Variants in CD38 observed in about 807,000 individuals in gnomAD.
CD38 encodes CD38 molecule.
Under a neutral mutation model 36.3 loss-of-function variants are expected in CD38, and 31 were observed. The observed-to-expected ratio is 0.85, with a 90% CI of 0.64 to 1.15. The LOEUF is 1.15. CD38 is among the 50% of genes most tolerant of loss of function. CD38 has a pLI of 0.00. For synonymous variants in CD38, 131 were observed against 135.2 expected (o/e 0.97, Z 0.22); for missense variants, 380 against 371.9 (o/e 1.02, Z -0.18).
chr4:15,822,366 TAA>T (rs1723756072), intron 2 of CD38, among the ~76,000 whole-genome samples: 1 of 152,026 alleles, frequency 6.6e-6, no homozygotes, highest in African/African-American at 2.4e-5. Flanking sequence ...GAGAAAGAAA[TAA>T]AGTCTTTTCA....
Position 15,816,634 on chromosome 4 carries a change from C to A in CD38, c.357C>A (p.Cys119Ter). ...AGTTGGGAACTCAGACCGTACCTTGCAACAAGGTAATTGGGGGCATGCCAT... is the reference window on the plus strand; with the variant it reads ...AGTTGGGAACTCAGACCGTACCTTGAAACAAGGTAATTGGGGGCATGCCAT... ...LMKLGTQTVP[C>*]NKILLWSRIK... is the part of the protein sequence containing the mutation. The change falls in exon 2 of 8, where the codon TGC becomes TGA. Residue 119 changes from cysteine (C) to a stop codon, truncating the protein, a stop_gained. Transcript: ENST00000226279. LOFTEE classifies it high-confidence loss of function. 1 of 1,613,624 alleles carries A rather than the reference C, an allele frequency of 6.2e-7. No individual in the cohort carries two copies. Among genetic ancestry groups the A allele is most frequent in the Non-Finnish European group, 8.5e-7 (1 of 1,179,706 alleles).
intron 1 of CD38, among the ~76,000 whole-genome samples, chr4:15,790,909 CG>C: frequency 6.7e-6 from 1 of 149,912 alleles, no homozygotes; most frequent in South Asian, 2.1e-4. Context: ...CCGGCCGCCC[CG>C]TCTGAGAGGT....
chr4:15,785,525 A>C (rs888726569), intron 1 of CD38, among the ~76,000 whole-genome samples: 13 of 140,704 alleles, frequency 9.2e-5, no homozygotes, highest in Admixed American at 2.7e-4. Flanking sequence ...TTCAGCCTGG[A>C]GAACGTTCCT....
chr4:15,795,798 T>C (rs1000375649), intron 1 of CD38, among the ~76,000 whole-genome samples: 8 of 152,168 alleles, frequency 5.3e-5, no homozygotes, highest in Non-Finnish European at 1.0e-4. Flanking sequence ...TAGACAGTTA[T>C]TCTACATTTT....
At chr4:15,789,139 T>C (rs1453787141) in intron 1 of CD38, among the ~76,000 whole-genome samples, 2 of 152,240 alleles carry the variant, frequency 1.3e-5, no homozygotes, top group Non-Finnish European at 2.9e-5. Context: ...TTTTGCCTTA[T>C]TTCCACGTTT....
chr4:15,780,235 C>A (rs1461279825), intron 1 of CD38, among the ~76,000 whole-genome samples: 3 of 152,104 alleles, frequency 2.0e-5, no homozygotes, highest in Non-Finnish European at 4.4e-5. Context: ...CATATATACT[C>A]CAAAATAGTT....
At chr4:15,830,906 G>A (rs1316657902) in intron 3 of CD38, among the ~76,000 whole-genome samples, 1 of 152,032 alleles carries the variant, frequency 6.6e-6, no homozygotes, top group Non-Finnish European at 1.5e-5. Context: ...ACTTACTCCT[G>A]CCATTTTGTT....
At position 15,853,044 on chromosome 4, in the gene CD38, C is replaced by T. The variant is rs1724432589; in HGVS notation, c.*4442C>T. Reference sequence around the variant, plus strand: ...CCAGGATAGGGCATTTATTCTTGAACTTGATTCAGAGAGGCACACATTACC... The same window carrying T: ...CCAGGATAGGGCATTTATTCTTGAATTTGATTCAGAGAGGCACACATTACC... On this transcript the variant is annotated 3_prime_UTR_variant, in exon 8 of 8. Transcript: ENST00000226279. The T allele has an allele frequency of 6.6e-6, 1 of 152,024 alleles. No homozygotes were observed. The highest frequency in any genetic ancestry group is 2.4e-5 in the African/African-American group (1 of 41,384). The allele number at this position is 152,024 out of a possible 1,614,324, so 9.4% of individuals were successfully genotyped here. A position where few individuals can be genotyped will look rare whatever the true frequency, so the allele number is the denominator to read the frequency against.
Position 15,805,454 on chromosome 4 carries a change from A to C in CD38, c.234-11057A>C, listed in dbSNP as rs538520551. Among the ~76,000 whole-genome samples, 13 of 152,254 alleles carry C rather than the reference A, an allele frequency of 8.5e-5. No homozygotes were observed. The South Asian group carries it at 2.7e-3, about 32-fold the overall frequency. ...AACACCTCCTCCCCCCTCACTCTTG[A>C]CATTCATTCTAGTCTATTTTACATT... On this transcript the variant is annotated intron_variant, in intron 1 of 7. Coordinates refer to ENST00000226279, the MANE Select transcript of CD38 (RefSeq NM_001775.4).
At chr4:15,792,333 T>C (rs1723017489) in intron 1 of CD38, among the ~76,000 whole-genome samples, 1 of 124,414 alleles carries the variant, frequency 8.0e-6, no homozygotes, top group Non-Finnish European at 1.6e-5. Flanking sequence ...AGACCTTTGT[T>C]CACTTGTTTA....
chr4:15,790,172 C>CT (rs1722934004), intron 1 of CD38, among the ~76,000 whole-genome samples: 1 of 42,110 alleles, frequency 2.4e-5, no homozygotes, highest in South Asian at 7.5e-4. Context: ...TCTCCCTCCC[C>CT]CTCCCCCTCC....
intron 1 of CD38, among the ~76,000 whole-genome samples, chr4:15,791,084 C>G (rs1490177476): frequency 8.4e-6 from 1 of 119,068 alleles, no homozygotes. Context: ...CTGCCCCGTC[C>G]GGGAGGTGAG....
chr4:15,816,985 A>ATAG (rs575622641), intron 2 of CD38, among the ~76,000 whole-genome samples: 33 of 152,316 alleles, frequency 2.2e-4, no homozygotes, highest in Non-Finnish European at 2.6e-4. Context: ...TATGATAATA[A>ATAG]TAGTAGTAGT....
At chr4:15,782,413 AC>A (rs1403621140) in intron 1 of CD38, among the ~76,000 whole-genome samples, 2 of 152,184 alleles carry the variant, frequency 1.3e-5, no homozygotes, top group Non-Finnish European at 2.9e-5. Flanking sequence ...TCCTTCTCTT[AC>A]ACTTATTTTA....
intron 1 of CD38, among the ~76,000 whole-genome samples, chr4:15,813,662 C>T (rs181113848): frequency 6.6e-6 from 1 of 152,130 alleles, no homozygotes; most frequent in African/African-American, 2.4e-5. Flanking sequence ...TGTGTTCTCA[C>T]TGTTCAACTC....
intron 1 of CD38, among the ~76,000 whole-genome samples, chr4:15,790,564 A>G (rs1410326049): frequency 6.6e-6 from 1 of 151,942 alleles, no homozygotes; most frequent in African/African-American, 2.4e-5. Flanking sequence ...GGCCCCCCAA[A>G]GTGCCGAGAT....
intron 1 of CD38, among the ~76,000 whole-genome samples, chr4:15,811,373 T>C (rs1723465757): frequency 6.6e-6 from 1 of 152,228 alleles, no homozygotes; most frequent in African/African-American, 2.4e-5. Context: ...TTTTATTCTA[T>C]GTTTGCCTCT....
At chr4:15,838,291 G>A (rs1577660886) in intron 5 of CD38, 126 bp downstream of exon 5, 1 of 756,738 alleles carries the variant, frequency 1.3e-6, no homozygotes, top group Non-Finnish European at 2.2e-6. Context: ...GCCAAAAAAG[G>A]TAAAAATTTT....
chr4:15,780,540 A>ACACACACACACACGCG (rs1560303854), intron 1 of CD38, among the ~76,000 whole-genome samples: 4 of 151,238 alleles, frequency 2.6e-5, no homozygotes, highest in African/African-American at 9.7e-5. Context: ...ACACACACAC[A>ACACACACACACACGCG]CACACACACA....
Sources: gnomAD v4.1 joint callset for allele counts (sites outside exome capture counted in the v4.1 genomes callset) on GRCh38, gnomAD v4.1.1 for gene constraint, MANE v1.5 for transcripts, NCBI Gene and HGNC (gene_info 2026-07-23, HGNC 2026-07-21) for gene names.